Variants in PTPRG observed in about 807,000 individuals in gnomAD.
The protein encoded by PTPRG is receptor-type tyrosine-protein phosphatase gamma.
PTPRG carries 102 observed loss-of-function variants against 165.3 expected under a neutral mutation model. The observed-to-expected ratio is 0.62, with a 90% CI of 0.53 to 0.73. The LOEUF (loss-of-function observed/expected upper bound fraction) is 0.73. Ranked by LOEUF, PTPRG falls within the 30% of genes least tolerant of loss-of-function variation. PTPRG has a pLI of 0.00. For synonymous variants in PTPRG, 675 were observed against 669.5 expected (o/e 1.01, Z -0.13); for missense variants, 1,866 against 1,861.4 (o/e 1.00, Z -0.05).
Position 62,203,147 on chromosome 3 carries a change from C to T in PTPRG, c.1378-26C>T, listed in dbSNP as rs376452831. On this transcript the variant is annotated intron_variant, in intron 11 of 29. Transcript: ENST00000474889. The surrounding 1 kb of genome is among the most constrained non-coding windows in gnomAD (Gnocchi z 6.4). ...GCTTTTTCTTCTTCTGCCTCTTTTC[C>T]ACCCTTGCCGGGTGACCCTTTCCAG... The T allele has an allele frequency of 1.3e-6, 2 of 1,538,994 alleles. No individual in the cohort carries two copies. Among genetic ancestry groups the T allele is most frequent in the African/African-American group, 1.4e-5 (1 of 72,308 alleles).
chr3:61,648,226 A>T (rs1164196940), intron 1 of PTPRG, among the ~76,000 whole-genome samples: 1 of 152,224 alleles, frequency 6.6e-6, no homozygotes, highest in African/African-American at 2.4e-5. Flanking sequence ...GAGATTCGTT[A>T]ACATAGTTGT....
intron 1 of PTPRG, among the ~76,000 whole-genome samples, chr3:61,635,278 G>C (rs373060727): frequency 1.9e-4 from 28 of 151,238 alleles, no homozygotes; most frequent in African/African-American, 6.8e-4. Flanking sequence ...AATGCTATGA[G>C]AAAGGCCTTA....
At chr3:61,780,982 G>A (rs777430890) in intron 2 of PTPRG, among the ~76,000 whole-genome samples, 1 of 152,218 alleles carries the variant, frequency 6.6e-6, no homozygotes, top group Non-Finnish European at 1.5e-5. Context: ...GGAATGGGGA[G>A]GAATTTTGGT....
At chr3:61,659,894 A>C (rs968411618) in intron 1 of PTPRG, among the ~76,000 whole-genome samples, 1 of 152,176 alleles carries the variant, frequency 6.6e-6, no homozygotes, top group Non-Finnish European at 1.5e-5. Flanking sequence ...TTCAGGGGGA[A>C]TGTGGCTATG....
At chr3:61,600,190 A>ATGTGTGTGTGTC (rs1293051250) in intron 1 of PTPRG, among the ~76,000 whole-genome samples, 2 of 118,582 alleles carry the variant, frequency 1.7e-5, no homozygotes, top group Admixed American at 1.7e-4. Flanking sequence ...ATATATATAT[A>ATGTGTGTGTGTC]TATGTGTGTG....
intron 1 of PTPRG, among the ~76,000 whole-genome samples, chr3:61,600,171 A>AT (rs1553639761): frequency 2.3e-3 from 245 of 107,218 alleles, no homozygotes; most frequent in Middle Eastern, 4.9e-3. Context: ...AAAAAAAAAA[A>AT]AAATATATAT....
chr3:62,058,554 A>C (rs1700705976), intron 4 of PTPRG, among the ~76,000 whole-genome samples: 1 of 152,134 alleles, frequency 6.6e-6, no homozygotes, highest in East Asian at 1.9e-4. Flanking sequence ...TGGGATCTAC[A>C]GAAAGTCACC....
At chr3:62,280,957 A>G (rs1439432782) in intron 26 of PTPRG, among the ~76,000 whole-genome samples, 1 of 152,060 alleles carries the variant, frequency 6.6e-6, no homozygotes, top group Non-Finnish European at 1.5e-5. Context: ...ACAGGTAATA[A>G]AATTGCACTG....
chr3:61,874,868 C>T (rs1240650484), intron 2 of PTPRG, among the ~76,000 whole-genome samples: 1 of 152,160 alleles, frequency 6.6e-6, no homozygotes, highest in African/African-American at 2.4e-5. Flanking sequence ...ACTTCTTCAC[C>T]ATGGCATTGC....
chr3:62,266,479 C>G (rs1701878483), intron 17 of PTPRG, among the ~76,000 whole-genome samples: 1 of 151,986 alleles, frequency 6.6e-6, no homozygotes, highest in African/African-American at 2.4e-5. Flanking sequence ...GATCCAGATG[C>G]CTTAGGAGAA....
At chr3:62,055,831 G>C (rs1372016010) in intron 4 of PTPRG, among the ~76,000 whole-genome samples, 1 of 152,138 alleles carries the variant, frequency 6.6e-6, no homozygotes, top group African/African-American at 2.4e-5. Context: ...AAAGAACATA[G>C]TCATATTGGA....
intron 15 of PTPRG, among the ~76,000 whole-genome samples, chr3:62,247,962 G>A (rs770490016): frequency 2.1e-4 from 32 of 152,116 alleles, no homozygotes; most frequent in Non-Finnish European, 4.1e-4. Context: ...AGGAATTTAG[G>A]ATATTCAGTG....
At chr3:61,837,604 T>A (rs2036508512) in intron 2 of PTPRG, among the ~76,000 whole-genome samples, 1 of 152,204 alleles carries the variant, frequency 6.6e-6, no homozygotes. Context: ...GGTTTTAGCC[T>A]GGATTTTTGT....
chr3:62,281,479 G>A, intron 26 of PTPRG, 84 bp from the exon 27 acceptor site: 1 of 1,259,058 alleles, frequency 7.9e-7, no homozygotes, highest in Non-Finnish European at 1.1e-6. Context: ...AGAGGGATGG[G>A]AAATGACAAA....
At chr3:61,954,102 C>T (rs372815601) in intron 2 of PTPRG, among the ~76,000 whole-genome samples, 4 of 152,252 alleles carry the variant, frequency 2.6e-5, no homozygotes, top group Admixed American at 6.5e-5. Context: ...GTAATTTTGA[C>T]GATGCCCTGC....
At chr3:61,960,786 C>A (rs1421476618) in intron 2 of PTPRG, among the ~76,000 whole-genome samples, 9 of 152,048 alleles carry the variant, frequency 5.9e-5, no homozygotes, top group African/African-American at 1.2e-4. Context: ...TGGGGAGTAT[C>A]CTGCATTCCT....
intron 4 of PTPRG, among the ~76,000 whole-genome samples, chr3:62,070,216 A>C (rs2106724819): frequency 6.6e-6 from 1 of 152,358 alleles, no homozygotes; most frequent in South Asian, 2.1e-4. Flanking sequence ...AGAGAAAGTA[A>C]CATAATCTGT....
intron 4 of PTPRG, among the ~76,000 whole-genome samples, chr3:62,062,674 A>AT (rs1205691363): frequency 5.0e-5 from 4 of 80,152 alleles, no homozygotes; most frequent in Non-Finnish European, 1.3e-4. Flanking sequence ...ATTTTATGGC[A>AT]TTGTTTTTTT....
chr3:62,271,998 G>C lies in PTPRG; in HGVS notation c.3182+443G>C, dbSNP rs987653954. Among the ~76,000 whole-genome samples the C allele has an allele frequency of 1.8e-4, 28 of 152,086 alleles. No homozygotes were observed. The highest frequency in any genetic ancestry group is 1.8e-3 in the Admixed American group (27 of 15,264). ...TGGTCCCAGCTACATGGGAGGCTGA[G>C]ACAGAAGGATCCCTTGAACCCAGTA... On this transcript the variant is annotated intron_variant, in intron 21 of 29. Transcript: ENST00000474889. The surrounding 1 kb of genome is among the most constrained non-coding windows in gnomAD (Gnocchi z 4.1).
Sources: allele counts gnomAD v4.1 joint callset (sites outside exome capture counted in the v4.1 genomes callset), GRCh38; gene constraint gnomAD v4.1.1; non-coding constraint Gnocchi (gnomAD v3.1); transcripts MANE v1.5; gene names NCBI Gene and HGNC (gene_info 2026-07-23, HGNC 2026-07-21).